TOX: variants seen among roughly 807,000 people sequenced by gnomAD.
TOX encodes the protein thymocyte selection associated high mobility group box.
In TOX, 11 loss-of-function variants were observed where a neutral mutation model predicts 53.7. The ratio of observed to expected loss-of-function variants is 0.20; its 90% CI spans 0.13 to 0.34. The LOEUF is 0.34. Ranked by LOEUF, TOX falls within the 10% of genes least tolerant of loss-of-function variation. TOX has a pLI of 1.00. For synonymous variants in TOX, 225 were observed against 245.3 expected (o/e 0.92, Z 0.77); for missense variants, 570 against 664.6 (o/e 0.86, Z 1.56).
At chr8:58,870,053 T>C (rs1031101699) in intron 3 of TOX, among the ~76,000 whole-genome samples, 1 of 152,138 alleles carries the variant, frequency 6.6e-6, no homozygotes, top group Admixed American at 6.6e-5. Context: ...TTATTCAACG[T>C]TGTACTGAAA....
intron 3 of TOX, among the ~76,000 whole-genome samples, chr8:58,934,617 A>G (rs1026007160): frequency 2.0e-5 from 3 of 152,326 alleles, no homozygotes; most frequent in Admixed American, 2.0e-4. Context: ...ATAAATAAAG[A>G]CACCCAGTAA....
chr8:58,815,472 G>A lies in TOX; in HGVS notation c.1258C>T (p.Pro420Ser), dbSNP rs1456745208. ...TGAAGAGGCGGGCTGATCTGGAGGGGAGGAGGAGGGGACACAGCCATGTTT... is the reference window on the plus strand; with the variant it reads ...TGAAGAGGCGGGCTGATCTGGAGGGAAGGAGGAGGGGACACAGCCATGTTT... The part of the protein sequence containing the change: ...IANMAVSPPP[P>S]LQISPPLHQH... Residue 420 changes from proline (P) to serine (S), a missense_variant, in exon 7 of 9, where the codon CCC becomes TCC. Pro to Ser is a moderately conservative substitution (Grantham distance 74). Around this residue, in one of 3 missense-constraint regions of TOX, gnomAD observed 239 missense variants for 250.7 expected, o/e 0.95. Coordinates refer to ENST00000361421, the MANE Select transcript of TOX (RefSeq NM_014729.3). The A allele has an allele frequency of 6.2e-7, 1 of 1,613,970 alleles. No individual in the cohort carries two copies. The highest frequency in any genetic ancestry group is 8.5e-7 in the Non-Finnish European group (1 of 1,179,992).
At chr8:58,822,093 G>T (rs185996513) in intron 6 of TOX, among the ~76,000 whole-genome samples, 1 of 152,214 alleles carries the variant, frequency 6.6e-6, no homozygotes, top group Non-Finnish European at 1.5e-5. Flanking sequence ...CTGCTTTTAA[G>T]TTTCTCTATG....
intron 1 of TOX, among the ~76,000 whole-genome samples, chr8:58,970,309 A>G (rs1812979805): frequency 6.6e-6 from 1 of 152,164 alleles, no homozygotes; most frequent in South Asian, 2.1e-4. Flanking sequence ...TGATTTTCAT[A>G]TGACCAGATA....
At chr8:58,962,137 A>G (rs1404749555) in intron 1 of TOX, among the ~76,000 whole-genome samples, 10 of 152,146 alleles carry the variant, frequency 6.6e-5, no homozygotes, top group Admixed American at 6.6e-4. Context: ...TTCTCAAGCC[A>G]GCTAAAGGCT....
chr8:59,082,433 T>C (rs1298989893), intron 1 of TOX, among the ~76,000 whole-genome samples: 5 of 152,238 alleles, frequency 3.3e-5, no homozygotes, highest in Admixed American at 3.3e-4. Flanking sequence ...AGTAGTTTGC[T>C]TGCAAACAGT....
chr8:58,857,590 A>C (rs1030538056), intron 3 of TOX, among the ~76,000 whole-genome samples: 4 of 152,184 alleles, frequency 2.6e-5, no homozygotes, highest in Admixed American at 2.6e-4. Flanking sequence ...GCCAAAGCTG[A>C]AGTCATGTAT....
intron 1 of TOX, among the ~76,000 whole-genome samples, chr8:59,046,422 G>A (rs370074659): frequency 2.0e-5 from 3 of 152,098 alleles, no homozygotes; most frequent in African/African-American, 7.2e-5. Context: ...TCAGTCCTGA[G>A]GATCTTATTG....
chr8:58,852,185 A>C (rs549295029), intron 3 of TOX, among the ~76,000 whole-genome samples: 5 of 152,156 alleles, frequency 3.3e-5, no homozygotes, highest in Non-Finnish European at 7.4e-5. Flanking sequence ...TGCTCATTAG[A>C]GTGTCTGTCA....
chr8:59,025,786 T>C (rs1414994352), intron 1 of TOX, among the ~76,000 whole-genome samples: 1 of 152,152 alleles, frequency 6.6e-6, no homozygotes, highest in African/African-American at 2.4e-5. Flanking sequence ...ATCCTCATCA[T>C]TGTCACTGCA....
At chr8:58,935,167 C>T (rs1812322224) in intron 3 of TOX, among the ~76,000 whole-genome samples, 1 of 152,036 alleles carries the variant, frequency 6.6e-6, no homozygotes. Context: ...CAGTAAATGA[C>T]ATACATTATA....
chr8:59,113,836 C>T (rs1805059839), intron 1 of TOX, among the ~76,000 whole-genome samples: 1 of 152,128 alleles, frequency 6.6e-6, no homozygotes, highest in East Asian at 1.9e-4. Context: ...GAAGAATCAT[C>T]AGTATTTGAG....
chr8:59,043,504 T>G (rs898426727), intron 1 of TOX, among the ~76,000 whole-genome samples: 7 of 152,150 alleles, frequency 4.6e-5, no homozygotes, highest in Non-Finnish European at 7.4e-5. Context: ...CTCTATATAA[T>G]AAACTATATA....
chr8:58,869,732 T>A (rs1477081384), intron 3 of TOX, among the ~76,000 whole-genome samples: 1 of 152,104 alleles, frequency 6.6e-6, no homozygotes, highest in Non-Finnish European at 1.5e-5. Flanking sequence ...AGGTTAAAGT[T>A]CAACATTAGA....
intron 3 of TOX, among the ~76,000 whole-genome samples, chr8:58,868,190 C>T (rs1811134987): frequency 6.6e-6 from 1 of 152,108 alleles, no homozygotes; most frequent in Admixed American, 6.6e-5. Flanking sequence ...TGCAATTGCT[C>T]CTCCTTCACT....
At position 58,833,654 on chromosome 8, in the gene TOX, T is replaced by C. The variant is rs192520176; in HGVS notation, c.924+4427A>G. ...GAGACCAACATCACAGCAATACTTA[T>C]GTTTTATTTCCTTCTCCATCTGGTG... On this transcript the variant is annotated intron_variant, in intron 5 of 8. Coordinates refer to ENST00000361421, the MANE Select transcript of TOX (RefSeq NM_014729.3). Among the ~76,000 whole-genome samples, 9 of 152,344 alleles carry C rather than the reference T, an allele frequency of 5.9e-5. No homozygotes were observed. The South Asian group carries it at 1.0e-3, about 18-fold the overall frequency.
intron 3 of TOX, among the ~76,000 whole-genome samples, chr8:58,927,591 A>G (rs997728371): frequency 1.3e-5 from 2 of 152,236 alleles, no homozygotes; most frequent in Admixed American, 6.5e-5. Context: ...CACCTAGCCC[A>G]GGACTTGGCA....
intron 1 of TOX, among the ~76,000 whole-genome samples, chr8:59,013,660 C>T (rs960873380): frequency 2.0e-4 from 31 of 152,174 alleles, no homozygotes; most frequent in South Asian, 1.4e-3. Context: ...CCGCCCGCTC[C>T]GGCCTCCCAA....
rs182886335 is a variant in TOX at position 59,105,517 on chromosome 8, G to T, written c.102+13369C>A. ...TCTTTAGCATTTTAAAGGTACAGCA[G>T]TGCCTTCATATAGTGATCATCGGTA... On this transcript the variant is annotated intron_variant, in intron 1 of 8. Coordinates refer to ENST00000361421, the MANE Select transcript of TOX (RefSeq NM_014729.3). Among the ~76,000 whole-genome samples the T allele has an allele frequency of 4.9e-4, 75 of 152,210 alleles. 1 individual carries two copies. Among genetic ancestry groups the T allele is most frequent in the Middle Eastern group, 3.4e-3 (1 of 294 alleles).
Sources: allele counts gnomAD v4.1 joint callset (sites outside exome capture counted in the v4.1 genomes callset), GRCh38; gene constraint gnomAD v4.1.1; regional missense constraint gnomAD v4.1.1; transcripts MANE v1.5; gene names NCBI Gene and HGNC (gene_info 2026-07-23, HGNC 2026-07-21).